SLC1A1: variants seen among roughly 807,000 people sequenced by gnomAD.
SLC1A1 encodes excitatory amino acid transporter 3.
Under a neutral mutation model 53.3 loss-of-function variants are expected in SLC1A1, and 43 were observed. That is an observed-to-expected ratio of 0.81 (90% CI 0.63 to 1.04). The LOEUF is 1.04. SLC1A1 is among the 50% of genes least tolerant of loss of function. The probability of loss-of-function intolerance (pLI) is 0.00; values close to 1 mark genes in which losing one functional copy is unlikely to be tolerated. For synonymous variants in SLC1A1, 307 were observed against 243.2 expected (o/e 1.26, Z -2.44); for missense variants, 748 against 664.9 (o/e 1.12, Z -1.37).
chr9:4,546,419 G>A (rs1332385918), intron 2 of SLC1A1, among the ~76,000 whole-genome samples: 1 of 151,484 alleles, frequency 6.6e-6, no homozygotes, highest in Non-Finnish European at 1.5e-5. Flanking sequence ...CAAATTGCTG[G>A]CTTTCTCTGA....
chr9:4,562,222 C>T (rs561910247), intron 3 of SLC1A1, among the ~76,000 whole-genome samples: 4 of 151,938 alleles, frequency 2.6e-5, no homozygotes, highest in East Asian at 1.9e-4. Context: ...CAGGTGCACA[C>T]CACCATGCCC....
At chr9:4,550,485 G>A (rs1817835048) in intron 2 of SLC1A1, among the ~76,000 whole-genome samples, 1 of 152,126 alleles carries the variant, frequency 6.6e-6, no homozygotes, top group African/African-American at 2.4e-5. Context: ...TGAACTCCTG[G>A]ACTCAAGCCA....
chr9:4,560,675 G>A (rs1818849073), intron 2 of SLC1A1, among the ~76,000 whole-genome samples: 1 of 151,048 alleles, frequency 6.6e-6, no homozygotes, highest in Non-Finnish European at 1.5e-5. Context: ...ACTATCATGA[G>A]TTACATGATT....
In SLC1A1 at chr9:4,576,667, A is replaced by G; in HGVS notation, c.1097A>G (p.Asn366Ser). 1 of 1,614,222 alleles carries G rather than the reference A, an allele frequency of 6.2e-7. No individual in the cohort carries two copies. Among genetic ancestry groups the G allele is most frequent in the Non-Finnish European group, 8.5e-7 (1 of 1,180,012 alleles). ...GTGTTACCCGTTGGTGCAACAATCAACATGGATGGGACTGCGCTCTATGAA... is the reference window on the plus strand; with the variant it reads ...GTGTTACCCGTTGGTGCAACAATCAGCATGGATGGGACTGCGCTCTATGAA... ...RFVLPVGATINMDGTALYEAV... is the reference protein window; with the variant it reads ...RFVLPVGATISMDGTALYEAV... The change falls in exon 10 of 12, where the codon AAC becomes AGC. Residue 366 changes from asparagine (N) to serine (S), a missense_variant. Physicochemically the swap from Asn to Ser is conservative, Grantham distance 46. Coordinates refer to ENST00000262352, the MANE Select transcript of SLC1A1 (RefSeq NM_004170.6).
At chr9:4,567,534 C>G in intron 5 of SLC1A1, 135 bp from the exon 6 acceptor site, 1 of 685,364 alleles carries the variant, frequency 1.5e-6, no homozygotes, top group South Asian at 1.6e-5. Flanking sequence ...ACAACTGGAG[C>G]CAACAGAGGC....
At chr9:4,497,764 T>G (rs1820485394) in intron 1 of SLC1A1, among the ~76,000 whole-genome samples, 2 of 152,154 alleles carry the variant, frequency 1.3e-5, no homozygotes, top group African/African-American at 4.8e-5. Flanking sequence ...CACTAAAAAA[T>G]AAAATGAGGC....
chr9:4,502,529 C>T lies in SLC1A1; in HGVS notation c.91+11759C>T, dbSNP rs560543473. Among the ~76,000 whole-genome samples, 62 of 151,064 alleles carry T rather than the reference C, an allele frequency of 4.1e-4. 2 individuals are homozygous for T. Among genetic ancestry groups the T allele is most frequent in the African/African-American group, 1.4e-3 (56 of 40,766 alleles). ...ATCAATATTTATTGAGAATTTACCA[C>T]GAGTTTTATGTACATTTATCTCCCA... On this transcript the variant is annotated intron_variant, in intron 1 of 11. Coordinates refer to ENST00000262352, the MANE Select transcript of SLC1A1 (RefSeq NM_004170.6).
intron 1 of SLC1A1, among the ~76,000 whole-genome samples, chr9:4,534,430 A>G (rs571459102): frequency 6.6e-6 from 1 of 152,318 alleles, no homozygotes; most frequent in South Asian, 2.1e-4. Context: ...AATACTATAA[A>G]CACCTCTACA....
chr9:4,586,178 C>T lies in SLC1A1; in HGVS notation c.*620C>T, dbSNP rs577628565. On this transcript the variant is annotated 3_prime_UTR_variant, in exon 12 of 12. Transcript: ENST00000262352. ...CTTTTTTCAATGTACTGTATTGGGA[C>T]GCTGGTAACTGTTAACCCAGTGTTC... 12 of 156,276 alleles carry T rather than the reference C, an allele frequency of 7.7e-5. No homozygotes were observed. Among genetic ancestry groups the T allele is most frequent in the East Asian group, 3.8e-4 (2 of 5,266 alleles). The allele number at this position is 156,276 out of a possible 1,614,324, so 9.7% of individuals were successfully genotyped here.
At chr9:4,532,389 C>T (rs749442211) in intron 1 of SLC1A1, among the ~76,000 whole-genome samples, 6 of 152,068 alleles carry the variant, frequency 3.9e-5, no homozygotes, top group South Asian at 2.1e-4. Flanking sequence ...AAGCTGAAAA[C>T]CAAGGCACGA....
chr9:4,496,845 T>C (rs1820442737), intron 1 of SLC1A1, among the ~76,000 whole-genome samples: 1 of 152,168 alleles, frequency 6.6e-6, no homozygotes, highest in Non-Finnish European at 1.5e-5. Context: ...TGCAGGGAGC[T>C]TGATCACATC....
intron 2 of SLC1A1, among the ~76,000 whole-genome samples, chr9:4,548,372 C>A (rs1391907251): frequency 1.3e-5 from 2 of 152,106 alleles, no homozygotes; most frequent in African/African-American, 4.8e-5. Flanking sequence ...AAGGAGGATG[C>A]AGGTGGGAAG....
At position 4,556,332 on chromosome 9, in the gene SLC1A1, T is replaced by C. The variant is rs1388260739; in HGVS notation, c.233-5117T>C. ...ACTACGCCCCGCCCCTATCTTTTAT[T>C]ATTACATTCAACAGAAATAAAGTTA... On this transcript the variant is annotated intron_variant, in intron 2 of 11. Coordinates refer to ENST00000262352, the MANE Select transcript of SLC1A1 (RefSeq NM_004170.6). This position sits in a 1 kb window ranked among gnomAD's most constrained non-coding sequence, Gnocchi z 4.1. 6.6e-6 allele frequency among the ~76,000 whole-genome samples: 1 copy of C among 152,220 alleles called. No individual in the cohort carries two copies. The highest frequency in any genetic ancestry group is 2.4e-5 in the African/African-American group (1 of 41,454).
chr9:4,496,307 T>C (rs1820418542), intron 1 of SLC1A1, among the ~76,000 whole-genome samples: 1 of 152,116 alleles, frequency 6.6e-6, no homozygotes, highest in South Asian at 2.1e-4. Context: ...GATGTGACCT[T>C]CTGGGCTTTT....
intron 10 of SLC1A1, 66 bp downstream of exon 10, chr9:4,576,829 A>C (rs1820590980): frequency 7.1e-7 from 1 of 1,399,794 alleles, no homozygotes; most frequent in African/African-American, 1.4e-5. Flanking sequence ...AAAATTGTCC[A>C]TGAAGGGACA....
intron 1 of SLC1A1, among the ~76,000 whole-genome samples, chr9:4,518,726 C>T (rs574579634): frequency 3.9e-5 from 6 of 152,296 alleles, no homozygotes; most frequent in Admixed American, 3.9e-4. Context: ...AATATCAGGT[C>T]ACTCTGCTGC....
intron 5 of SLC1A1, among the ~76,000 whole-genome samples, 199 bp downstream of exon 5, chr9:4,566,288 C>G (rs992399929): frequency 1.3e-5 from 2 of 152,196 alleles, no homozygotes; most frequent in African/African-American, 4.8e-5. Context: ...GTGCATGTCA[C>G]AATTTACACT....
At position 4,532,405 on chromosome 9, in the gene SLC1A1, A is replaced by G. The variant is rs75709088; in HGVS notation, c.92-12162A>G. On this transcript the variant is annotated intron_variant, in intron 1 of 11. Coordinates refer to ENST00000262352, the MANE Select transcript of SLC1A1 (RefSeq NM_004170.6). ...AGCTGAAAACCAAGGCACGAGAACT[A>G]CGTGACAAATGCACAAGCCTCAGTA... is the stretch of plus-strand genomic sequence containing the variant. Among the ~76,000 whole-genome samples, 730 of 152,340 alleles carry G rather than the reference A, an allele frequency of 4.8e-3. 8 individuals carry two copies. The highest frequency in any genetic ancestry group is 0.017 in the African/African-American group (692 of 41,590).
chr9:4,510,157 C>G (rs1470625999), intron 1 of SLC1A1, among the ~76,000 whole-genome samples: 1 of 152,174 alleles, frequency 6.6e-6, no homozygotes, highest in African/African-American at 2.4e-5. Flanking sequence ...TCTGGTGATA[C>G]TGGTGGCTGT....
Sources: gnomAD v4.1 joint callset for allele counts (sites outside exome capture counted in the v4.1 genomes callset) on GRCh38, gnomAD v4.1.1 for gene constraint, Gnocchi (gnomAD v3.1) non-coding constraint, MANE v1.5 for transcripts, NCBI Gene and HGNC (gene_info 2026-07-23, HGNC 2026-07-21) for gene names.